The following EAF1 variants were observed in gnomAD, a reference collection of about 807,000 sequenced individuals.
EAF1 encodes the protein ELL associated factor 1, also known as ELL-associated factor 1.
A neutral mutation model predicts 26.6 loss-of-function variants in EAF1; 19 were observed. The ratio of observed to expected loss-of-function variants is 0.71; its 90% confidence interval spans 0.50 to 1.05. The LOEUF (loss-of-function observed/expected upper bound fraction) is 1.05, where lower values mean the gene tolerates loss of function less well. Among genes scored for constraint, EAF1 ranks in the 50% least tolerant of loss-of-function variants. The pLI, the probability that EAF1 is intolerant of heterozygous loss-of-function variation, is 0.00. For missense variants in EAF1, 260 were observed against 335.5 expected (o/e 0.78, Z 1.76); for synonymous variants, 102 against 120.6 (o/e 0.85, Z 1.01).
At chr3:15,431,530 C>A (rs2061802064) in intron 2 of EAF1, among the ~76,000 whole-genome samples, 2 of 152,182 alleles carry the variant, frequency 1.3e-5, no homozygotes, top group African/African-American at 4.8e-5. Flanking sequence ...GGTGGAGAGC[C>A]AGGGAAGGGC....
Position 15,427,684 on chromosome 3 carries a change from C to T in EAF1, c.-96C>T. ...CTCTCCTTGTCTTCCAGAGCGGTGG[C>T]CCGGAAGCACAGTCCTCCCAGACGC... On this transcript the variant is annotated 5_prime_UTR_variant, in exon 1 of 6. Coordinates refer to ENST00000396842, the MANE Select transcript of EAF1 (RefSeq NM_033083.7). 3.8e-6 allele frequency: 5 copies of T among 1,309,702 alleles called. No individual in the cohort carries two copies. The highest frequency in any genetic ancestry group is 3.2e-6 in the Non-Finnish European group (3 of 935,214). The allele number at this position is 1,309,702 out of a possible 1,614,324, so 81.1% of individuals were successfully genotyped here.
At position 15,439,425 on chromosome 3, in the gene EAF1, A is replaced by G; in HGVS notation, c.*270A>G. 2.9e-6 allele frequency: 1 copy of G among 341,710 alleles called. No individual in the cohort carries two copies. The highest frequency in any genetic ancestry group is 5.3e-6 in the Non-Finnish European group (1 of 189,228). The allele number at this position is 341,710 out of a possible 1,614,324, so 21.2% of individuals were successfully genotyped here. A position where few individuals can be genotyped will look rare whatever the true frequency, so the allele number is the denominator to read the frequency against. On this transcript the variant is annotated 3_prime_UTR_variant, in exon 6 of 6. Coordinates refer to ENST00000396842, the MANE Select transcript of EAF1 (RefSeq NM_033083.7). ...ATATTTCTATTTAGTTAAAATTGTT[A>G]ATGAAAAACAGATAAATGTGCCCTG... is the stretch of plus-strand genomic sequence containing the variant.
At position 15,430,042 on chromosome 3, in the gene EAF1, T is replaced by G. The variant is rs746770399; in HGVS notation, c.198+35T>G. The G allele has an allele frequency of 8.3e-6, 11 of 1,328,220 alleles. 2 individuals carry two copies. The South Asian group carries it at 1.4e-4, about 17-fold the overall frequency. 82.3% of individuals were successfully genotyped at this position (1,328,220 alleles called of 1,614,324 possible). ...TTTCATTTTTTTTTTTAATGTAAGATCACAATGAATCTTTGTCTTTTATAT... is the reference window on the plus strand; with the variant it reads ...TTTCATTTTTTTTTTTAATGTAAGAGCACAATGAATCTTTGTCTTTTATAT... On this transcript the variant is annotated intron_variant, in intron 2 of 5. Transcript: ENST00000396842.
intron 2 of EAF1, 58 bp from the exon 3 acceptor site, chr3:15,432,029 G>T (rs1311452289): frequency 7.1e-6 from 11 of 1,551,976 alleles, no homozygotes; most frequent in Non-Finnish European, 8.7e-6. Context: ...TATAAATTCA[G>T]TTGATATTCA....
chr3:15,430,464 A>C (rs2061795938), intron 2 of EAF1, among the ~76,000 whole-genome samples: 1 of 151,554 alleles, frequency 6.6e-6, no homozygotes, highest in African/African-American at 2.4e-5. Context: ...CCCCTCAAAA[A>C]AAAAAAAAAA....
chr3:15,430,662 C>T (rs1324281797), intron 2 of EAF1, among the ~76,000 whole-genome samples: 1 of 152,030 alleles, frequency 6.6e-6, no homozygotes, highest in Non-Finnish European at 1.5e-5. Context: ...GGCAACCAAG[C>T]CAGGAGTTAA....
At position 15,441,467 on chromosome 3, in the gene EAF1, T is replaced by C. The variant is rs2061869342; in HGVS notation, c.*2312T>C. ...GTCTTTTTTTTCAACCCACATGGAG[T>C]GCCCTGTGTGTACATACTGACCTTT... On this transcript the variant is annotated 3_prime_UTR_variant, in exon 6 of 6. Transcript: ENST00000396842. 1 of 149,012 alleles carries C rather than the reference T, an allele frequency of 6.7e-6. No individual in the cohort carries two copies. Among genetic ancestry groups the C allele is most frequent in the Non-Finnish European group, 1.5e-5 (1 of 67,072 alleles). 9.2% of individuals were successfully genotyped at this position (149,012 alleles called of 1,614,324 possible). A position where few individuals can be genotyped will look rare whatever the true frequency, so the allele number is the denominator to read the frequency against.
rs534337132 is a variant in EAF1, at chr3:15,427,660, T to A, written c.-120T>A. ...GGACCCGGGTGGGTGCCGGCTCGGCTCTCCTTGTCTTCCAGAGCGGTGGCC... is the reference window on the plus strand; with the variant it reads ...GGACCCGGGTGGGTGCCGGCTCGGCACTCCTTGTCTTCCAGAGCGGTGGCC... On this transcript the variant is annotated 5_prime_UTR_variant, in exon 1 of 6. Coordinates refer to ENST00000396842, the MANE Select transcript of EAF1 (RefSeq NM_033083.7). 47 of 1,075,632 alleles carry A rather than the reference T, an allele frequency of 4.4e-5. No homozygotes were observed. In the South Asian group the frequency reaches 6.6e-4, roughly 15 times the overall value. The allele number at this position is 1,075,632 out of a possible 1,614,324, so 66.6% of individuals were successfully genotyped here. A position where few individuals can be genotyped will look rare whatever the true frequency, so the allele number is the denominator to read the frequency against.
chr3:15,433,014 A>G (rs1575451264), intron 3 of EAF1: 1 of 151,800 alleles, frequency 6.6e-6, no homozygotes, highest in East Asian at 1.9e-4. Context: ...AGGGGGTATC[A>G]TGTCCCAGGC....
Position 15,429,353 on chromosome 3 carries a change from C to A in EAF1, c.104-560C>A, listed in dbSNP as rs1046866862. Among the ~76,000 whole-genome samples the A allele has an allele frequency of 5.4e-3, 809 of 151,114 alleles. 3 individuals are homozygous for A. Among genetic ancestry groups the A allele is most frequent in the African/African-American group, 7.8e-3 (321 of 41,154 alleles). On this transcript the variant is annotated intron_variant, in intron 1 of 5. Coordinates refer to ENST00000396842, the MANE Select transcript of EAF1 (RefSeq NM_033083.7). ...CATCACTATTAAAAAAAAAAAAAAA[C>A]AAAAAACAGCTATGGAACTTGAGTA... is the stretch of plus-strand genomic sequence containing the variant.
intron 2 of EAF1, among the ~76,000 whole-genome samples, chr3:15,431,835 A>G (rs1488408802): frequency 6.6e-6 from 1 of 152,226 alleles, no homozygotes; most frequent in African/African-American, 2.4e-5. Flanking sequence ...TGGAACGTAT[A>G]TAGTAATTAA....
chr3:15,439,095 T>G lies in EAF1; in HGVS notation c.761-14T>G. The G allele has an allele frequency of 6.2e-7, 1 of 1,603,764 alleles. No homozygotes were observed. Among genetic ancestry groups the G allele is most frequent in the Non-Finnish European group, 8.5e-7 (1 of 1,175,750 alleles). The stretch of plus-strand genomic sequence containing the variant: ...TTGATTCTATGATTTTACTTTATTT[T>G]TTTTTTTAAATAGGAAATGACTTGC... On this transcript the variant is annotated splice_polypyrimidine_tract_variant and intron_variant, in intron 5 of 5. Coordinates refer to ENST00000396842, the MANE Select transcript of EAF1 (RefSeq NM_033083.7).
rs1352187903 is a variant in EAF1, at chr3:15,441,789, C to CT, written c.*2635dup. The CT allele has an allele frequency of 6.6e-6, 1 of 152,636 alleles. No homozygotes were observed. Among genetic ancestry groups the CT allele is most frequent in the Non-Finnish European group, 1.5e-5 (1 of 68,052 alleles). The allele number at this position is 152,636 out of a possible 1,614,324, so 9.5% of individuals were successfully genotyped here. A position where few individuals can be genotyped will look rare whatever the true frequency, so the allele number is the denominator to read the frequency against. On this transcript the variant is annotated 3_prime_UTR_variant, in exon 6 of 6. Transcript: ENST00000396842. ...CTGGTGGGGTAGAAGGCAGAGAAGA[C>CT]TACCCAGCCAGTGAAGTGCAGAGGA...
In EAF1 at chr3:15,441,009, AC is replaced by A. The variant is rs1559507185; in HGVS notation, c.*1855del. 1 of 152,242 alleles carries A rather than the reference AC, an allele frequency of 6.6e-6. No individual in the cohort carries two copies. The highest frequency in any genetic ancestry group is 2.4e-5 in the African/African-American group (1 of 41,312). 9.4% of individuals were successfully genotyped at this position (152,242 alleles called of 1,614,324 possible). On this transcript the variant is annotated 3_prime_UTR_variant, in exon 6 of 6. Coordinates refer to ENST00000396842, the MANE Select transcript of EAF1 (RefSeq NM_033083.7). Reference sequence around the variant, plus strand: ...CCTCTCTCTCTTTCTCTCCTCCCCAACTTTTTTCTGAAAGCCTTGATTTCTG... The same window carrying A: ...CCTCTCTCTCTTTCTCTCCTCCCCAATTTTTTCTGAAAGCCTTGATTTCTG...
intron 3 of EAF1, 91 bp downstream of exon 3, chr3:15,432,314 CAT>C: frequency 1.3e-6 from 2 of 1,500,140 alleles, no homozygotes; most frequent in South Asian, 2.6e-5. Flanking sequence ...TCTGCTTGCT[CAT>C]AGTGTTCTAT....
chr3:15,427,876 A>G lies in EAF1; in HGVS notation c.97A>G (p.Ile33Val), dbSNP rs41284029. 4.1e-3 allele frequency: 6,372 copies of G among 1,546,114 alleles called. 12 individuals carry two copies. Among genetic ancestry groups the G allele is most frequent in the Non-Finnish European group, 5.1e-3 (5,828 of 1,143,922 alleles). Residue 33 changes from isoleucine (I) to valine (V), a missense_variant, in exon 1 of 6, where the codon ATT becomes GTT. Coordinates refer to ENST00000396842, the MANE Select transcript of EAF1 (RefSeq NM_033083.7). ...EKRPRASFHT[I>V]RYDFKPASID... ...GCGGCCGCGGGCCTCCTTCCACACT[A>G]TTCGTTGTAAGTCAGCGCTCCCCAC...
intron 3 of EAF1, among the ~76,000 whole-genome samples, chr3:15,432,504 T>C (rs1237167216): frequency 6.6e-6 from 1 of 152,208 alleles, no homozygotes; most frequent in East Asian, 1.9e-4. Flanking sequence ...ATCTCATGAT[T>C]GCTACAGTAC....
rs555373553 is a variant in EAF1, at chr3:15,435,683, T to C, written c.527-659T>C. On this transcript the variant is annotated intron_variant, in intron 4 of 5. Transcript: ENST00000396842. ...ATTGATATTTTATATCTGTAAAAAA[T>C]GCAGTACCTGACAGGCATGGCTGTC... Among the ~76,000 whole-genome samples the C allele has an allele frequency of 1.1e-4, 17 of 152,256 alleles. No individual in the cohort carries two copies. The South Asian group carries it at 3.5e-3, about 32-fold the overall frequency.
chr3:15,430,383 C>T (rs1172699228), intron 2 of EAF1, among the ~76,000 whole-genome samples: 1 of 150,428 alleles, frequency 6.6e-6, no homozygotes, highest in Admixed American at 6.7e-5. Context: ...TCGCTTGAGC[C>T]TGGGAGGTAG....
Sources: gnomAD v4.1 joint callset for allele counts (sites outside exome capture counted in the v4.1 genomes callset) on GRCh38, gnomAD v4.1.1 for gene constraint, MANE v1.5 for transcripts, NCBI Gene and HGNC (gene_info 2026-07-23, HGNC 2026-07-21) for gene names.